Variants in SNTG2 observed in about 807,000 individuals in gnomAD.
The protein encoded by SNTG2 is gamma-2-syntrophin.
Under a neutral mutation model 70.9 loss-of-function variants are expected in SNTG2, and 74 were observed. The observed-to-expected ratio is 1.04, with a 90% CI of 0.86 to 1.27. The LOEUF (loss-of-function observed/expected upper bound fraction) is 1.27. Ranked by LOEUF, SNTG2 falls within the 50% of genes most tolerant of loss-of-function variation. The pLI is 0.00. For missense variants in SNTG2, 717 were observed against 690.7 expected, an observed-to-expected ratio of 1.04 and a Z score of -0.43; for synonymous variants, 278 against 273.8, an observed-to-expected ratio of 1.02 and a Z score of -0.15.
chr2:1,293,199 G>C (rs1375627748), intron 14 of SNTG2, among the ~76,000 whole-genome samples: 1 of 135,040 alleles, frequency 7.4e-6, no homozygotes, highest in Non-Finnish European at 1.6e-5. Flanking sequence ...CAGTAGAAAT[G>C]TCCCCTCTCT....
intron 4 of SNTG2, among the ~76,000 whole-genome samples, chr2:1,115,097 T>C (rs1471945446): frequency 6.6e-6 from 1 of 152,000 alleles, no homozygotes. Flanking sequence ...CTTACAGTCC[T>C]TTGAGGAGGA....
At chr2:1,029,417 A>G (rs1660687338) in intron 1 of SNTG2, among the ~76,000 whole-genome samples, 1 of 152,206 alleles carries the variant, frequency 6.6e-6, no homozygotes, top group African/African-American at 2.4e-5. Context: ...GTTTTGGTTT[A>G]TTGCATTATT....
intron 4 of SNTG2, among the ~76,000 whole-genome samples, chr2:1,125,578 T>A (rs1458366358): frequency 6.6e-6 from 1 of 152,242 alleles, no homozygotes; most frequent in Admixed American, 6.5e-5. Context: ...TTTTCTAAGA[T>A]GAGTTATTGT....
At chr2:1,245,333 G>A (rs1382513047) in intron 11 of SNTG2, among the ~76,000 whole-genome samples, 2 of 152,110 alleles carry the variant, frequency 1.3e-5, no homozygotes, top group African/African-American at 2.4e-5. Flanking sequence ...GCACTCAAAT[G>A]TGCGTAAGAT....
chr2:1,237,785 T>C (rs1419337447), intron 9 of SNTG2, 103 bp from the exon 10 acceptor site: 8 of 1,424,946 alleles, frequency 5.6e-6, no homozygotes, highest in Non-Finnish European at 7.5e-6. Context: ...CCCCATGTCC[T>C]GGGTCCAGGG....
chr2:1,304,415 T>TG (rs1680586445), intron 14 of SNTG2, among the ~76,000 whole-genome samples: 2 of 152,162 alleles, frequency 1.3e-5, no homozygotes, highest in African/African-American at 4.8e-5. Flanking sequence ...CTGTTCTTGG[T>TG]GTTCAGAACA....
intron 15 of SNTG2, among the ~76,000 whole-genome samples, chr2:1,312,458 G>A (rs1405433524): frequency 6.6e-6 from 1 of 152,190 alleles, no homozygotes; most frequent in Non-Finnish European, 1.5e-5. Context: ...CAATGGTGAG[G>A]GAGAAGGGGA....
intron 4 of SNTG2, among the ~76,000 whole-genome samples, chr2:1,126,168 T>C (rs1222469883): frequency 6.6e-6 from 1 of 152,126 alleles, no homozygotes; most frequent in South Asian, 2.1e-4. Flanking sequence ...CTTCCCAACA[T>C]CTAGTAACCT....
At position 1,294,483 on chromosome 2, in the gene SNTG2, A is replaced by G. The variant is rs374276238; in HGVS notation, c.1285-14011A>G. On this transcript the variant is annotated intron_variant, in intron 14 of 16. Transcript: ENST00000308624. ...AACAGAGATTTAGCTTTCTTAGGAG[A>G]AAGTAGATGAGTTTCTAGAATGATT... 7.3e-4 allele frequency among the ~76,000 whole-genome samples: 111 copies of G among 152,358 alleles called. 2 individuals are homozygous for G. The South Asian group carries it at 0.022, about 30-fold the overall frequency.
intron 1 of SNTG2, among the ~76,000 whole-genome samples, chr2:1,008,446 G>A (rs1180733030): frequency 1.3e-5 from 2 of 152,142 alleles, no homozygotes; most frequent in Non-Finnish European, 2.9e-5. Flanking sequence ...AAAAAGGGAT[G>A]TTCAGGTAAC....
At chr2:997,291 A>G (rs73908640) in intron 1 of SNTG2, among the ~76,000 whole-genome samples, 2 of 152,218 alleles carry the variant, frequency 1.3e-5, no homozygotes, top group Non-Finnish European at 2.9e-5. Flanking sequence ...GATGTCAGCC[A>G]TGAGCCAGCC....
At chr2:1,359,876 T>C (rs1661046659) in intron 16 of SNTG2, among the ~76,000 whole-genome samples, 2 of 152,250 alleles carry the variant, frequency 1.3e-5, no homozygotes, top group Non-Finnish European at 2.9e-5. Context: ...GAATGCTGCC[T>C]TTCTGTAGTA....
rs1183207908 is a variant in SNTG2 at position 976,653 on chromosome 2, A to G, written c.72+25585A>G. 3.3e-5 allele frequency among the ~76,000 whole-genome samples: 5 copies of G among 152,154 alleles called. No individual in the cohort carries two copies. In the East Asian group the frequency reaches 9.6e-4, roughly 29 times the overall value. The stretch of plus-strand genomic sequence containing the variant: ...CATCTTCTATCACCCATTTCGGAAC[A>G]CATCAGTGATGAGTGTTGTTCAGTA... On this transcript the variant is annotated intron_variant, in intron 1 of 16. Coordinates refer to ENST00000308624, the MANE Select transcript of SNTG2 (RefSeq NM_018968.4).
intron 1 of SNTG2, among the ~76,000 whole-genome samples, chr2:1,040,283 C>T (rs185346286): frequency 6.6e-6 from 1 of 152,324 alleles, no homozygotes. Context: ...AGTTTTGAAG[C>T]TTCCCAGGCC....
intron 1 of SNTG2, among the ~76,000 whole-genome samples, chr2:1,011,927 C>A (rs1430961500): frequency 2.0e-5 from 3 of 152,166 alleles, no homozygotes. Context: ...TGTATATAGG[C>A]ATGCATTTCT....
chr2:1,138,309 G>T (rs1334004376), intron 6 of SNTG2, among the ~76,000 whole-genome samples: 2 of 152,182 alleles, frequency 1.3e-5, no homozygotes, highest in African/African-American at 4.8e-5. Context: ...AGATGGTGGG[G>T]GTCAGGATGC....
chr2:1,068,416 A>C (rs901340821), intron 1 of SNTG2: 4 of 152,222 alleles, frequency 2.6e-5, no homozygotes, highest in Non-Finnish European at 5.9e-5. Context: ...AGATGGTAAC[A>C]GTGGAATGGC....
chr2:1,143,892 C>CCG (rs1553338047), intron 6 of SNTG2, among the ~76,000 whole-genome samples: 5 of 144,796 alleles, frequency 3.5e-5, no homozygotes, highest in Admixed American at 1.4e-4. Context: ...ACAACCCCCC[C>CCG]CCAGAAAAAG....
chr2:1,033,994 T>C (rs900475001), intron 1 of SNTG2, among the ~76,000 whole-genome samples: 9 of 152,134 alleles, frequency 5.9e-5, no homozygotes, highest in Non-Finnish European at 1.2e-4. Flanking sequence ...AAAAATATAT[T>C]TTTAACTTTT....
Sources: gnomAD v4.1 joint callset for allele counts (sites outside exome capture counted in the v4.1 genomes callset) on GRCh38, gnomAD v4.1.1 for gene constraint, MANE v1.5 for transcripts, NCBI Gene and HGNC (gene_info 2026-07-23, HGNC 2026-07-21) for gene names.